WWOX: variants seen among roughly 807,000 people sequenced by gnomAD.
WWOX encodes the protein WW domain-containing oxidoreductase.
WWOX carries 69 observed loss-of-function variants against 46.2 expected under a neutral mutation model. The observed-to-expected ratio is 1.49, with a 90% confidence interval of 1.23 to 1.82. The LOEUF (loss-of-function observed/expected upper bound fraction) is 1.82. WWOX is among the 40% of genes most tolerant of loss of function. The probability of loss-of-function intolerance (pLI) is 0.00; values close to 1 mark genes in which losing one functional copy is unlikely to be tolerated. For missense variants in WWOX, 919 were observed against 542.6 expected, an observed-to-expected ratio of 1.69 and a Z score of -6.89; for synonymous variants, 359 against 202.6, an observed-to-expected ratio of 1.77 and a Z score of -6.56.
At chr16:78,374,028 C>G (rs866681159) in intron 5 of WWOX, among the ~76,000 whole-genome samples, 1 of 152,232 alleles carries the variant, frequency 6.6e-6, no homozygotes, top group African/African-American at 2.4e-5. Context: ...CTCAAGTGGT[C>G]TGCCCGCCTT....
chr16:78,196,199 T>C (rs907878895), intron 5 of WWOX, among the ~76,000 whole-genome samples: 2 of 152,238 alleles, frequency 1.3e-5, no homozygotes, highest in African/African-American at 4.8e-5. Context: ...TTTAGCCATA[T>C]CTACAATTAA....
At chr16:78,647,238 C>T (rs757255298) in intron 8 of WWOX, among the ~76,000 whole-genome samples, 12 of 152,100 alleles carry the variant, frequency 7.9e-5, no homozygotes, top group Non-Finnish European at 1.5e-4. Context: ...TGGATCAGGA[C>T]AGAGGGCAGG....
In WWOX at chr16:78,308,734, T is replaced by G. The variant is rs1455015385; in HGVS notation, c.517-78126T>G. 3.9e-5 allele frequency among the ~76,000 whole-genome samples: 6 copies of G among 152,278 alleles called. 1 individual carries two copies. The highest frequency in any genetic ancestry group is 1.4e-4 in the African/African-American group (6 of 41,552). On this transcript the variant is annotated intron_variant, in intron 5 of 8. Transcript: ENST00000566780. ...TTTACCATTTATTCTCTCTGAGGCC[T>G]ATTTCCTGGAGGCTTCATCTGCATC... is the stretch of plus-strand genomic sequence containing the variant.
intron 8 of WWOX, among the ~76,000 whole-genome samples, chr16:79,030,702 C>T (rs2047735727): frequency 1.3e-5 from 2 of 152,170 alleles, no homozygotes; most frequent in Non-Finnish European, 1.5e-5. Context: ...GCTGCTTGTA[C>T]CAGTATCTTC....
intron 8 of WWOX, among the ~76,000 whole-genome samples, chr16:79,097,225 A>G (rs1184612861): frequency 6.6e-6 from 1 of 152,082 alleles, no homozygotes; most frequent in Non-Finnish European, 1.5e-5. Flanking sequence ...TTTTCTCAAT[A>G]ATTGCATAAT....
chr16:78,114,618 T>C (rs1345875528), intron 3 of WWOX, among the ~76,000 whole-genome samples: 2 of 152,114 alleles, frequency 1.3e-5, no homozygotes, highest in Non-Finnish European at 2.9e-5. Flanking sequence ...AATTGAAATC[T>C]ACTGAAAAGA....
chr16:78,578,429 A>G (rs1567657525), intron 8 of WWOX, among the ~76,000 whole-genome samples: 1 of 148,912 alleles, frequency 6.7e-6, no homozygotes, highest in Non-Finnish European at 1.5e-5. Flanking sequence ...AGCTGGCACT[A>G]TAGGCGCCCA....
intron 8 of WWOX, among the ~76,000 whole-genome samples, chr16:78,894,440 T>A (rs1007541402): frequency 6.6e-6 from 1 of 152,214 alleles, no homozygotes; most frequent in Non-Finnish European, 1.5e-5. Flanking sequence ...AGTCCTAGAC[T>A]ATTTTTTGTC....
chr16:78,544,429 A>T (rs966653563), intron 8 of WWOX, among the ~76,000 whole-genome samples: 2 of 152,210 alleles, frequency 1.3e-5, no homozygotes, highest in Non-Finnish European at 2.9e-5. Flanking sequence ...TTAAGTAGTC[A>T]GTTCCTCATT....
At chr16:78,473,152 C>T (rs2084268740) in intron 8 of WWOX, among the ~76,000 whole-genome samples, 1 of 152,196 alleles carries the variant, frequency 6.6e-6, no homozygotes, top group African/African-American at 2.4e-5. Context: ...TGCTTTGAGA[C>T]CGAGTCTCAC....
intron 6 of WWOX, among the ~76,000 whole-genome samples, chr16:78,420,254 C>G (rs1045578800): frequency 6.6e-6 from 1 of 152,056 alleles, no homozygotes; most frequent in Admixed American, 6.5e-5. Context: ...ACCCAATAAT[C>G]CCACTCCTAG....
intron 8 of WWOX, chr16:78,495,959 G>C (rs147475288): frequency 6.6e-6 from 1 of 152,326 alleles, no homozygotes; most frequent in East Asian, 1.9e-4. Flanking sequence ...CCTTGAGAGA[G>C]GAACATCTTT....
chr16:78,190,061 C>T (rs1324732050), intron 5 of WWOX, among the ~76,000 whole-genome samples: 3 of 152,212 alleles, frequency 2.0e-5, no homozygotes, highest in Admixed American at 6.5e-5. Flanking sequence ...GTATTAATAG[C>T]TCCATCTTAG....
intron 8 of WWOX, among the ~76,000 whole-genome samples, chr16:78,795,899 C>G (rs573427494): frequency 3.3e-5 from 5 of 151,940 alleles, no homozygotes; most frequent in African/African-American, 9.7e-5. Flanking sequence ...CAAGTGGAAA[C>G]AAAAGTATAA....
At chr16:78,667,336 A>C (rs939956137) in intron 8 of WWOX, among the ~76,000 whole-genome samples, 9 of 152,118 alleles carry the variant, frequency 5.9e-5, no homozygotes, top group African/African-American at 2.2e-4. Context: ...GGGTTATCTC[A>C]ATATATATCT....
intron 5 of WWOX, among the ~76,000 whole-genome samples, chr16:78,241,891 T>C (rs904040523): frequency 6.6e-6 from 1 of 152,160 alleles, no homozygotes; most frequent in African/African-American, 2.4e-5. Context: ...CCTGGCAGCG[T>C]CACGTAGTAG....
chr16:78,583,630 A>G (rs547381997), intron 8 of WWOX, among the ~76,000 whole-genome samples: 1 of 152,320 alleles, frequency 6.6e-6, no homozygotes, highest in Admixed American at 6.5e-5. Context: ...CAGTGATAAC[A>G]TAATGATAAT....
chr16:78,279,649 G>T (rs529883870), intron 5 of WWOX, among the ~76,000 whole-genome samples: 1 of 152,148 alleles, frequency 6.6e-6, no homozygotes, highest in East Asian at 1.9e-4. Context: ...ACCCATTTAT[G>T]CCCCATGCCA....
intron 5 of WWOX, among the ~76,000 whole-genome samples, chr16:78,383,298 T>A (rs1339651778): frequency 6.6e-6 from 1 of 152,144 alleles, no homozygotes; most frequent in Non-Finnish European, 1.5e-5. Context: ...ATTGTATGTA[T>A]GTAAGATGTA....
Sources: allele counts gnomAD v4.1 joint callset (sites outside exome capture counted in the v4.1 genomes callset), GRCh38; gene constraint gnomAD v4.1.1; transcripts MANE v1.5; gene names NCBI Gene and HGNC (gene_info 2026-07-23, HGNC 2026-07-21).